The following COL6A5 variants were observed in gnomAD, a reference collection of about 807,000 sequenced individuals.
The protein encoded by COL6A5 is collagen alpha-5(VI) chain.
COL6A5 carries 48 observed loss-of-function variants against 65.6 expected under a neutral mutation model. The observed-to-expected ratio is 0.73, with a 90% confidence interval of 0.58 to 0.93. The LOEUF (loss-of-function observed/expected upper bound fraction) is 0.93. COL6A5 is among the 40% of genes least tolerant of loss of function. The pLI is 0.00. For synonymous variants in COL6A5, 291 were observed against 322.8 expected (o/e 0.90, Z 1.05); for missense variants, 914 against 928.3 (o/e 0.98, Z 0.20).
chr3:130,399,037 C>A (rs537112507), intron 10 of COL6A5, among the ~76,000 whole-genome samples: 35 of 152,248 alleles, frequency 2.3e-4, no homozygotes, highest in African/African-American at 5.5e-4. Flanking sequence ...ATTTTCTGTC[C>A]ATGTCATAGC....
At chr3:130,353,461 A>G (rs1219849595) in intron 1 of COL6A5, among the ~76,000 whole-genome samples, 1 of 152,246 alleles carries the variant, frequency 6.6e-6, no homozygotes, top group Non-Finnish European at 1.5e-5. Context: ...TCAAGAGCTG[A>G]AAGAAATGCA....
At chr3:130,483,913 A>G (rs370138291) in intron 7 of COL6A5, 122 bp from the exon 41 acceptor site, 106 of 798,144 alleles carry the variant, frequency 1.3e-4, no homozygotes, top group Middle Eastern at 6.5e-4. Flanking sequence ...TATTTTGACC[A>G]TTGAAAATGA....
At chr3:130,426,063 A>G in intron 29 of COL6A5, 151 bp from the exon 30 acceptor site, 2 of 702,778 alleles carry the variant, frequency 2.8e-6, no homozygotes, top group Middle Eastern at 4.0e-4. Flanking sequence ...AATATATGGC[A>G]ATTAATCCAC....
intron 5 of COL6A5, among the ~76,000 whole-genome samples, chr3:130,463,512 GT>G (rs1415173613): frequency 2.0e-5 from 3 of 152,044 alleles, no homozygotes; most frequent in African/African-American, 7.2e-5. Flanking sequence ...CACATTTGGT[GT>G]TGTGGCTTAA....
chr3:130,478,601 C>A (rs1170579927), intron 7 of COL6A5, among the ~76,000 whole-genome samples: 1 of 152,072 alleles, frequency 6.6e-6, no homozygotes, highest in African/African-American at 2.4e-5. Context: ...TTCACACACA[C>A]AAAATGGCAC....
intron 1 of COL6A5, among the ~76,000 whole-genome samples, chr3:130,371,834 T>TC (rs1287594996): frequency 6.6e-6 from 1 of 152,118 alleles, no homozygotes; most frequent in African/African-American, 2.4e-5. Context: ...AAATTGGACT[T>TC]CATCAAATTT....
At chr3:130,466,233 C>T (rs891915531) in intron 5 of COL6A5, among the ~76,000 whole-genome samples, 4 of 151,968 alleles carry the variant, frequency 2.6e-5, no homozygotes, top group Admixed American at 6.6e-5. Flanking sequence ...TAAAACAATG[C>T]TCAACATTTT....
At chr3:130,410,055 A>G in exon 19 of COL6A5, 1 of 1,548,962 alleles carries the variant, frequency 6.5e-7, no homozygotes, top group South Asian at 1.2e-5. Context: ...AAGGGCTCCA[A>G]AGGAGAACAA....
intron 18 of COL6A5, among the ~76,000 whole-genome samples, 155 bp from the exon 19 acceptor site, chr3:130,409,854 A>T (rs1937115761): frequency 6.6e-6 from 1 of 152,082 alleles, no homozygotes; most frequent in African/African-American, 2.4e-5. Context: ...TACTGCTTTG[A>T]TTTTTTCCAA....
At chr3:130,430,629 G>C (rs533218049), upstream of COL6A5, among the ~76,000 whole-genome samples, 1 of 152,318 alleles carries the variant, frequency 6.6e-6, no homozygotes, top group Admixed American at 6.5e-5. Flanking sequence ...CATGAGTATT[G>C]AGCTAGGAAT....
upstream of COL6A5, chr3:130,426,493 A>T (rs1937605484): frequency 3.9e-6 from 5 of 1,279,756 alleles, no homozygotes; most frequent in Admixed American, 2.0e-5. Flanking sequence ...GATCAGTAGG[A>T]TGAGTTCACT....
chr3:130,436,002 C>T (rs543480461), intron 1 of COL6A5, among the ~76,000 whole-genome samples: 9 of 151,882 alleles, frequency 5.9e-5, no homozygotes, highest in Non-Finnish European at 1.2e-4. Flanking sequence ...GTTAGCCTTA[C>T]CGTTTTCTCC....
intron 1 of COL6A5, among the ~76,000 whole-genome samples, chr3:130,368,586 G>A (rs1935430962): frequency 6.6e-6 from 1 of 151,844 alleles, no homozygotes. Context: ...GAGGAGAAGT[G>A]GGGGATTAAG....
intron 7 of COL6A5, among the ~76,000 whole-genome samples, chr3:130,393,384 C>T: frequency 6.6e-6 from 1 of 152,126 alleles, no homozygotes; most frequent in Non-Finnish European, 1.5e-5. Context: ...ACTGTATCCC[C>T]CAACTCTCAC....
intron 7 of COL6A5, among the ~76,000 whole-genome samples, chr3:130,394,063 C>T (rs188212866): frequency 7.9e-5 from 12 of 152,230 alleles, no homozygotes; most frequent in African/African-American, 2.4e-4. Context: ...TAGTAATCAC[C>T]GTAGTGCTGC....
chr3:130,467,025 G>T (rs1425704179), intron 5 of COL6A5, among the ~76,000 whole-genome samples: 3 of 151,836 alleles, frequency 2.0e-5, no homozygotes, highest in Non-Finnish European at 4.4e-5. Context: ...ATTTAAGGAA[G>T]AAATAATACC....
chr3:130,396,331 A>ACTT (rs1163673798), intron 8 of COL6A5, among the ~76,000 whole-genome samples: 3 of 152,060 alleles, frequency 2.0e-5, no homozygotes, highest in Non-Finnish European at 4.4e-5. Flanking sequence ...GTCTTTCCAA[A>ACTT]CTCTCCACAT....
exon 3 of COL6A5, chr3:130,440,543 C>T: frequency 6.2e-7 from 1 of 1,613,614 alleles, no homozygotes; most frequent in Non-Finnish European, 8.5e-7. Flanking sequence ...CACTGAAAAT[C>T]TTTTTCCAGA....
intron 1 of COL6A5, among the ~76,000 whole-genome samples, chr3:130,435,915 T>A (rs1709017965): frequency 1.3e-5 from 2 of 152,256 alleles, no homozygotes; most frequent in South Asian, 4.1e-4. Context: ...CCTATTCGAA[T>A]ATCCTTTATT....
Sources: gnomAD v4.1 joint callset for allele counts (sites outside exome capture counted in the v4.1 genomes callset) on GRCh38, gnomAD v4.1.1 for gene constraint, MANE v1.5 for transcripts, NCBI Gene and HGNC (gene_info 2026-07-23, HGNC 2026-07-21) for gene names.